MX2: variants seen among roughly 807,000 people sequenced by gnomAD.
MX2 encodes interferon-induced GTP-binding protein Mx2.
In MX2, 51 loss-of-function variants were observed where a neutral mutation model predicts 74.0. The observed-to-expected ratio is 0.69, with a 90% CI of 0.55 to 0.87. The LOEUF (loss-of-function observed/expected upper bound fraction) is 0.87, where lower values mean the gene tolerates loss of function less well. MX2 is among the 40% of genes least tolerant of loss of function. The pLI, the probability that MX2 is intolerant of heterozygous loss-of-function variation, is 0.00. For synonymous variants in MX2, 369 were observed against 339.3 expected (o/e 1.09, Z -0.96); for missense variants, 832 against 908.7 (o/e 0.92, Z 1.09).
At chr21:41,403,587 T>A (rs763282581) in intron 12 of MX2, 3 of 720,398 alleles carry the variant, frequency 4.2e-6, no homozygotes, top group African/African-American at 1.7e-5. Context: ...CCCTGCCATC[T>A]GTTCTGCACG....
intron 7 of MX2, 72 bp from the exon 8 acceptor site, chr21:41,397,541 C>G (rs377043573): frequency 2.7e-5 from 38 of 1,404,266 alleles, no homozygotes; most frequent in Non-Finnish European, 3.8e-5. Flanking sequence ...TCACCTACCA[C>G]GCACAAAGTC....
intron 5 of MX2, among the ~76,000 whole-genome samples, chr21:41,386,586 T>C (rs2089581102): frequency 6.6e-6 from 1 of 152,194 alleles, no homozygotes; most frequent in Non-Finnish European, 1.5e-5. Context: ...CCCTGTAGTC[T>C]GTCCTAGACC....
At chr21:41,405,082 G>A (rs571539161) in intron 12 of MX2, among the ~76,000 whole-genome samples, 7 of 152,002 alleles carry the variant, frequency 4.6e-5, no homozygotes, top group African/African-American at 1.7e-4. Context: ...GCCGAGGCGG[G>A]CAGATCCCTT....
rs374893622 is a variant in MX2, at chr21:41,385,587, A to G, written c.732+3023A>G. On this transcript the variant is annotated intron_variant, in intron 5 of 13. Coordinates refer to ENST00000330714, the MANE Select transcript of MX2 (RefSeq NM_002463.2). ...GAGTCCATTAGACCTCTTTTTCTGT[A>G]CAAATTTCGCTGTCTCTGGTATGTC... 1.9e-3 allele frequency among the ~76,000 whole-genome samples: 284 copies of G among 152,236 alleles called. 2 individuals carry two copies. Among genetic ancestry groups the G allele is most frequent in the African/African-American group, 6.7e-3 (278 of 41,524 alleles).
At chr21:41,384,279 G>A (rs1355965652) in intron 5 of MX2, among the ~76,000 whole-genome samples, 1 of 152,128 alleles carries the variant, frequency 6.6e-6, no homozygotes, top group Non-Finnish European at 1.5e-5. Flanking sequence ...TTATAGCTGT[G>A]TGAGAACGGA....
At chr21:41,390,351 C>T in intron 5 of MX2, 1 of 561,334 alleles carries the variant, frequency 1.8e-6, no homozygotes. Context: ...GACATGCCAG[C>T]CGTGGGCTTT....
At position 41,382,394 on chromosome 21, in the gene MX2, C is replaced by G. The variant is rs776331568; in HGVS notation, c.578-16C>G. 2 of 1,612,534 alleles carry G rather than the reference C, an allele frequency of 1.2e-6. No individual in the cohort carries two copies. Among genetic ancestry groups the G allele is most frequent in the East Asian group, 2.2e-5 (1 of 44,840 alleles). ...TTAATGAGGGCTCTGGGTTTCTCCCCTCCTGGCCTCCATAGCCCAGAACGT... is the reference window on the plus strand; with the variant it reads ...TTAATGAGGGCTCTGGGTTTCTCCCGTCCTGGCCTCCATAGCCCAGAACGT... On this transcript the variant is annotated splice_polypyrimidine_tract_variant and intron_variant, in intron 4 of 13. Transcript: ENST00000330714.
At chr21:41,381,066 C>G (rs894946875) in intron 4 of MX2, among the ~76,000 whole-genome samples, 1 of 152,248 alleles carries the variant, frequency 6.6e-6, no homozygotes, top group African/African-American at 2.4e-5. Flanking sequence ...CACAGAACCC[C>G]TGTCTGCCTG....
In MX2 at chr21:41,408,804, C is replaced by T. The variant is rs1478110428; in HGVS notation, c.*571C>T. 1 of 152,462 alleles carries T rather than the reference C, an allele frequency of 6.6e-6. No homozygotes were observed. The highest frequency in any genetic ancestry group is 1.5e-5 in the Non-Finnish European group (1 of 68,226). The allele number at this position is 152,462 out of a possible 1,614,324, so 9.4% of individuals were successfully genotyped here. A position where few individuals can be genotyped will look rare whatever the true frequency, so the allele number is the denominator to read the frequency against. On this transcript the variant is annotated 3_prime_UTR_variant, in exon 14 of 14. Coordinates refer to ENST00000330714, the MANE Select transcript of MX2 (RefSeq NM_002463.2). ...CCATGGTTCACTGTCATTGTGTTTCCCAGCCTCTCCACTCCCCCGCCAGAA... is the reference window on the plus strand; with the variant it reads ...CCATGGTTCACTGTCATTGTGTTTCTCAGCCTCTCCACTCCCCCGCCAGAA...
Position 41,408,296 on chromosome 21 carries a change from C to G in MX2, c.*63C>G. Reference sequence around the variant, plus strand: ...TCATTCATTCTAAGGGGAGTCGGTGCAGGATGCCGCTTCTGCTTTGGGGCC... The same window carrying G: ...TCATTCATTCTAAGGGGAGTCGGTGGAGGATGCCGCTTCTGCTTTGGGGCC... On this transcript the variant is annotated 3_prime_UTR_variant, in exon 14 of 14. Transcript: ENST00000330714. 2 of 1,580,238 alleles carry G rather than the reference C, an allele frequency of 1.3e-6. No homozygotes were observed. Among genetic ancestry groups the G allele is most frequent in the Non-Finnish European group, 1.7e-6 (2 of 1,163,440 alleles).
intron 3 of MX2, among the ~76,000 whole-genome samples, chr21:41,378,280 A>G (rs2089439499): frequency 6.6e-6 from 1 of 152,086 alleles, no homozygotes; most frequent in Non-Finnish European, 1.5e-5. Context: ...ATTGGGAGAC[A>G]GGCTGCTGGG....
chr21:41,380,038 T>C lies in MX2; in HGVS notation c.464T>C (p.Leu155Pro), dbSNP rs2089466899. The change falls in exon 4 of 14, where the codon CTG becomes CCG. Residue 155 changes from leucine to proline, a missense_variant. Leu to Pro is a moderately conservative substitution (Grantham distance 98). Coordinates refer to ENST00000330714, the MANE Select transcript of MX2 (RefSeq NM_002463.2). The surrounding 1 kb of genome is among the most constrained non-coding windows in gnomAD (Gnocchi z 4.3). The stretch of plus-strand genomic sequence containing the variant: ...TCAGGAATCGTAACCAGGTGTCCGC[T>C]GGTGCTGAAACTGAAAAAGCAGCCC... ...RGSGIVTRCP[L>P]VLKLKKQPCE... 1.9e-6 allele frequency: 3 copies of C among 1,614,014 alleles called. No individual in the cohort carries two copies. The highest frequency in any genetic ancestry group is 2.5e-6 in the Non-Finnish European group (3 of 1,179,934).
At chr21:41,378,105 C>T (rs538542814) in intron 3 of MX2, 124 bp downstream of exon 3, 24 of 1,251,330 alleles carry the variant, frequency 1.9e-5, no homozygotes, top group East Asian at 7.6e-5. Context: ...AAAGACAGGA[C>T]GCTGGGAGAG....
chr21:41,379,933 C>CA, intron 3 of MX2, 84 bp from the exon 4 acceptor site: 1 of 1,552,930 alleles, frequency 6.4e-7, no homozygotes, highest in Non-Finnish European at 8.8e-7. Context: ...CCTTTGGGGA[C>CA]AGCAGGGCAG....
At chr21:41,379,831 C>T (rs1381321464) in intron 3 of MX2, among the ~76,000 whole-genome samples, 186 bp from the exon 4 acceptor site, 1 of 152,232 alleles carries the variant, frequency 6.6e-6, no homozygotes, top group African/African-American at 2.4e-5. Flanking sequence ...ATAGCAGCAC[C>T]TCCCAGGGCC....
chr21:41,396,278 A>G (rs1422968506), intron 7 of MX2, among the ~76,000 whole-genome samples: 1 of 152,240 alleles, frequency 6.6e-6, no homozygotes, highest in Non-Finnish European at 1.5e-5. Context: ...GTCATTTGCC[A>G]GAATATCACT....
Position 41,377,062 on chromosome 21 carries a change from A to C in MX2, c.156A>C (p.Ala52=). 6.2e-7 allele frequency: 1 copy of C among 1,614,236 alleles called. No individual in the cohort carries two copies. Among genetic ancestry groups the C allele is most frequent in the Non-Finnish European group, 8.5e-7 (1 of 1,180,032 alleles). The part of the protein sequence containing the change: ...QMMFPPNWQG[A]EKDAAFLAKD... ...TGTTTCCTCCAAACTGGCAGGGGGC[A>C]GAGAAGGACGCTGCTTTCCTCGCCA... Residue 52 remains alanine (A), a synonymous_variant, in exon 2 of 14, where the codon GCA becomes GCC. Coordinates refer to ENST00000330714, the MANE Select transcript of MX2 (RefSeq NM_002463.2).
At chr21:41,405,774 G>A (rs572530945) in intron 12 of MX2, among the ~76,000 whole-genome samples, 25 of 143,384 alleles carry the variant, frequency 1.7e-4, no homozygotes, top group Admixed American at 6.9e-4. Flanking sequence ...GCGCCATCTC[G>A]GCTCACTGCA....
rs370789111 is a variant in MX2, at chr21:41,407,147, A to G, written c.1905+149A>G. On this transcript the variant is annotated intron_variant, in intron 13 of 13. Coordinates refer to ENST00000330714, the MANE Select transcript of MX2 (RefSeq NM_002463.2). ...TTCTGTATTATGATAAACTACTTAT[A>G]TATTTTCTCATTTATAATTTTACAT... 96 of 720,886 alleles carry G rather than the reference A, an allele frequency of 1.3e-4. No homozygotes were observed. The East Asian group carries it at 2.1e-3, about 16-fold the overall frequency. The allele number at this position is 720,886 out of a possible 1,614,324, so 44.7% of individuals were successfully genotyped here.
Sources: gnomAD v4.1 joint callset for allele counts (sites outside exome capture counted in the v4.1 genomes callset) on GRCh38, gnomAD v4.1.1 for gene constraint, Gnocchi (gnomAD v3.1) non-coding constraint, MANE v1.5 for transcripts, NCBI Gene and HGNC (gene_info 2026-07-23, HGNC 2026-07-21) for gene names.